GRIA4: variants seen among roughly 807,000 people sequenced by gnomAD.
GRIA4 encodes glutamate ionotropic receptor AMPA type subunit 4.
Under a neutral mutation model 104.0 loss-of-function variants are expected in GRIA4, and 34 were observed. The observed-to-expected ratio is 0.33, with a 90% CI of 0.25 to 0.44. The LOEUF (loss-of-function observed/expected upper bound fraction) is 0.44. GRIA4 is among the 20% of genes least tolerant of loss of function. The pLI is 1.00. For missense variants in GRIA4, 750 were observed against 1,096.5 expected (o/e 0.68, Z 4.46); for synonymous variants, 386 against 381.9 (o/e 1.01, Z -0.13).
intron 5 of GRIA4, among the ~76,000 whole-genome samples, chr11:105,870,321 A>T (rs955604476): frequency 1.3e-5 from 2 of 151,648 alleles, no homozygotes; most frequent in African/African-American, 4.8e-5. Context: ...AGAGAAACAA[A>T]TTTTCTTGTC....
chr11:105,826,887 T>G (rs1336716009), intron 4 of GRIA4, among the ~76,000 whole-genome samples: 7 of 151,990 alleles, frequency 4.6e-5, no homozygotes. Context: ...TTCCTATTCT[T>G]TGGTCAGCAA....
At chr11:105,632,437 T>C (rs1047502892) in intron 3 of GRIA4, among the ~76,000 whole-genome samples, 2 of 152,220 alleles carry the variant, frequency 1.3e-5, no homozygotes, top group African/African-American at 4.8e-5. Flanking sequence ...TCTTCCAAAA[T>C]TGGCTCTCTG....
chr11:105,805,976 C>G (rs1435718496), intron 4 of GRIA4, among the ~76,000 whole-genome samples: 1 of 151,770 alleles, frequency 6.6e-6, no homozygotes, highest in Non-Finnish European at 1.5e-5. Flanking sequence ...CAACAAAGAA[C>G]CAAAGCAATC....
intron 4 of GRIA4, among the ~76,000 whole-genome samples, chr11:105,782,288 C>T (rs1591247804): frequency 6.6e-6 from 1 of 152,068 alleles, no homozygotes; most frequent in Non-Finnish European, 1.5e-5. Flanking sequence ...TGCAACCTAT[C>T]GAGATATGTT....
chr11:105,656,532 T>G (rs1951851745), intron 3 of GRIA4, among the ~76,000 whole-genome samples: 1 of 152,126 alleles, frequency 6.6e-6, no homozygotes, highest in Non-Finnish European at 1.5e-5. Flanking sequence ...TGGGATTTAA[T>G]TAAACTAAAG....
chr11:105,958,797 C>T (rs1463619375), intron 14 of GRIA4, among the ~76,000 whole-genome samples: 1 of 152,164 alleles, frequency 6.6e-6, no homozygotes, highest in Non-Finnish European at 1.5e-5. Flanking sequence ...TCCTGCAACG[C>T]AGCCCTGGTA....
intron 10 of GRIA4, among the ~76,000 whole-genome samples, chr11:105,916,582 G>A (rs1016329467): frequency 2.0e-5 from 3 of 152,176 alleles, no homozygotes; most frequent in Middle Eastern, 3.2e-3. Context: ...CACAGTAGCT[G>A]CTTAATAAAT....
chr11:105,943,118 C>T (rs905775144), intron 14 of GRIA4, among the ~76,000 whole-genome samples: 3 of 152,088 alleles, frequency 2.0e-5, no homozygotes, highest in African/African-American at 7.2e-5. Flanking sequence ...ACCCTCAGAA[C>T]TTCTATAAAA....
chr11:105,813,223 G>C (rs1943250036), intron 4 of GRIA4, among the ~76,000 whole-genome samples: 1 of 151,922 alleles, frequency 6.6e-6, no homozygotes, highest in Non-Finnish European at 1.5e-5. Context: ...TATAAGGGTA[G>C]AGGGAAATGG....
At chr11:105,899,796 T>C (rs927899751) in intron 7 of GRIA4, among the ~76,000 whole-genome samples, 31 of 152,184 alleles carry the variant, frequency 2.0e-4, no homozygotes, top group Admixed American at 2.0e-3. Flanking sequence ...AATGTATTGT[T>C]GGTTCATGGA....
chr11:105,835,546 T>G (rs1189767711), intron 4 of GRIA4, among the ~76,000 whole-genome samples: 2 of 151,846 alleles, frequency 1.3e-5, no homozygotes, highest in Non-Finnish European at 2.9e-5. Flanking sequence ...GCCATGGATT[T>G]TGTGTGTGTG....
At chr11:105,862,293 TC>T in intron 5 of GRIA4, 85 bp downstream of exon 5, 1 of 720,634 alleles carries the variant, frequency 1.4e-6, no homozygotes, top group Non-Finnish European at 2.4e-6. Flanking sequence ...CAACATCTTC[TC>T]CCAGCTTTTA....
At chr11:105,946,345 G>T (rs927894214) in intron 14 of GRIA4, among the ~76,000 whole-genome samples, 3 of 152,170 alleles carry the variant, frequency 2.0e-5, no homozygotes, top group African/African-American at 7.2e-5. Flanking sequence ...CACTTCGGGA[G>T]GCCAAGGCAG....
intron 6 of GRIA4, among the ~76,000 whole-genome samples, chr11:105,888,085 G>A (rs1946329731): frequency 6.6e-6 from 1 of 151,960 alleles, no homozygotes; most frequent in Admixed American, 6.6e-5. Context: ...ATTCTTAAAG[G>A]TCTGAGAGAA....
chr11:105,763,438 A>G (rs1273789771), intron 4 of GRIA4, among the ~76,000 whole-genome samples: 1 of 152,208 alleles, frequency 6.6e-6, no homozygotes, highest in Non-Finnish European at 1.5e-5. Context: ...TAATGTAAAT[A>G]GACTCATCTA....
intron 3 of GRIA4, among the ~76,000 whole-genome samples, chr11:105,624,293 T>C (rs1591456271): frequency 6.6e-6 from 1 of 152,226 alleles, no homozygotes; most frequent in East Asian, 1.9e-4. Flanking sequence ...TAACATTTAG[T>C]GTCTGCTGAC....
rs1304236854 is a variant in GRIA4 at position 105,917,972 on chromosome 11, G to A, written c.1270-740G>A. ...CACTTGCTTAGAAAACTAAATGGGA[G>A]TATCACCTCAAGTGTATGCTCATTA... On this transcript the variant is annotated intron_variant, in intron 10 of 16. Coordinates refer to ENST00000282499, the MANE Select transcript of GRIA4 (RefSeq NM_000829.4). Among the ~76,000 whole-genome samples, 3 of 151,942 alleles carry A rather than the reference G, an allele frequency of 2.0e-5. No individual in the cohort carries two copies. In the East Asian group the frequency reaches 5.8e-4, roughly 29 times the overall value.
chr11:105,617,742 G>A (rs1046932216), intron 3 of GRIA4, among the ~76,000 whole-genome samples: 5 of 151,974 alleles, frequency 3.3e-5, no homozygotes, highest in African/African-American at 4.8e-5. Context: ...TTTATCAAGA[G>A]CAACTCTATT....
chr11:105,694,078 A>T (rs1042179595), intron 3 of GRIA4, among the ~76,000 whole-genome samples: 7 of 152,152 alleles, frequency 4.6e-5, no homozygotes, highest in Non-Finnish European at 7.4e-5. Flanking sequence ...CTTATTTTGA[A>T]TAGGTAAACT....
Sources: allele counts gnomAD v4.1 joint callset (sites outside exome capture counted in the v4.1 genomes callset), GRCh38; gene constraint gnomAD v4.1.1; transcripts MANE v1.5; gene names NCBI Gene and HGNC (gene_info 2026-07-23, HGNC 2026-07-21).